Variants in TNFRSF11A observed in about 807,000 individuals in gnomAD.
TNFRSF11A encodes TNF receptor superfamily member 11a.
A neutral mutation model predicts 55.7 loss-of-function variants in TNFRSF11A; 32 were observed. The ratio of observed to expected loss-of-function variants is 0.57; its 90% CI spans 0.43 to 0.77. The LOEUF is 0.77. TNFRSF11A is among the 30% of genes least tolerant of loss of function. The pLI, the probability that TNFRSF11A is intolerant of heterozygous loss-of-function variation, is 0.00. For synonymous variants in TNFRSF11A, 311 were observed against 331.0 expected (o/e 0.94, Z 0.65); for missense variants, 753 against 809.8 (o/e 0.93, Z 0.85).
intron 1 of TNFRSF11A, among the ~76,000 whole-genome samples, chr18:62,327,120 C>G (rs2046086812): frequency 6.6e-6 from 1 of 152,164 alleles, no homozygotes; most frequent in African/African-American, 2.4e-5. Flanking sequence ...TAAAAATGGT[C>G]TCTGACCAGC....
chr18:62,328,502 T>C (rs2046106633), intron 1 of TNFRSF11A, among the ~76,000 whole-genome samples: 1 of 152,126 alleles, frequency 6.6e-6, no homozygotes, highest in African/African-American at 2.4e-5. Flanking sequence ...ACCAAACAAA[T>C]TGGGCATTGA....
intron 1 of TNFRSF11A, among the ~76,000 whole-genome samples, chr18:62,346,164 T>C (rs1237132162): frequency 1.3e-5 from 2 of 152,216 alleles, no homozygotes; most frequent in African/African-American, 4.8e-5. Flanking sequence ...GGCTGCCCCC[T>C]TAGGGGATCA....
intron 1 of TNFRSF11A, among the ~76,000 whole-genome samples, chr18:62,328,842 A>G (rs995222674): frequency 2.0e-5 from 3 of 152,164 alleles, no homozygotes; most frequent in African/African-American, 7.2e-5. Flanking sequence ...TTCCCCCTAA[A>G]ATGGCAAACC....
intron 8 of TNFRSF11A, among the ~76,000 whole-genome samples, chr18:62,368,074 A>G (rs1246368071): frequency 6.6e-6 from 1 of 152,132 alleles, no homozygotes; most frequent in Non-Finnish European, 1.5e-5. Flanking sequence ...GATTGCAGGC[A>G]TGAGCCACCA....
chr18:62,348,494 A>G (rs181142361), intron 2 of TNFRSF11A, among the ~76,000 whole-genome samples: 3 of 152,370 alleles, frequency 2.0e-5, no homozygotes, highest in Non-Finnish European at 2.9e-5. Flanking sequence ...GCTGAAACAC[A>G]ATTTTCCAAA....
intron 7 of TNFRSF11A, among the ~76,000 whole-genome samples, chr18:62,362,490 CAAAAAA>C (rs57219485): frequency 1.3e-5 from 1 of 75,872 alleles, no homozygotes; most frequent in Non-Finnish European, 2.4e-5. Context: ...AACTTCATCT[CAAAAAA>C]AAAAAAAAAA....
At chr18:62,370,428 C>T (rs1294148546) in intron 9 of TNFRSF11A, among the ~76,000 whole-genome samples, 1 of 152,196 alleles carries the variant, frequency 6.6e-6, no homozygotes, top group African/African-American at 2.4e-5. Context: ...TCATAGGCCG[C>T]CCCTCTCCAG....
intron 1 of TNFRSF11A, among the ~76,000 whole-genome samples, chr18:62,341,187 G>A (rs917458839): frequency 4.6e-5 from 7 of 152,156 alleles, no homozygotes; most frequent in African/African-American, 1.7e-4. Context: ...AGTGTGGCTC[G>A]TGGAACTGAC....
intron 1 of TNFRSF11A, among the ~76,000 whole-genome samples, chr18:62,344,899 G>A (rs1307514739): frequency 6.6e-6 from 1 of 152,216 alleles, no homozygotes; most frequent in Admixed American, 6.5e-5. Flanking sequence ...ACTGGTATAA[G>A]GAAACAGATC....
chr18:62,358,160 C>G, intron 4 of TNFRSF11A, 88 bp from the exon 5 acceptor site: 1 of 1,305,060 alleles, frequency 7.7e-7, no homozygotes, highest in Admixed American at 1.7e-5. Context: ...CTCCAGTCCT[C>G]TGGAGTCCCA....
At chr18:62,380,220 G>A (rs1018498126) in intron 9 of TNFRSF11A, among the ~76,000 whole-genome samples, 1 of 152,200 alleles carries the variant, frequency 6.6e-6, no homozygotes, top group African/African-American at 2.4e-5. Flanking sequence ...GCCACGTATT[G>A]TGTGATTGGC....
At chr18:62,367,783 T>C (rs1910198025) in intron 8 of TNFRSF11A, among the ~76,000 whole-genome samples, 1 of 131,392 alleles carries the variant, frequency 7.6e-6, no homozygotes, top group Admixed American at 8.6e-5. Flanking sequence ...TCTTTTCTTC[T>C]TCTTCTTTTT....
At chr18:62,348,891 G>A (rs2046423438) in intron 2 of TNFRSF11A, among the ~76,000 whole-genome samples, 1 of 152,224 alleles carries the variant, frequency 6.6e-6, no homozygotes. Context: ...TTTATTGGAT[G>A]TGCAGAACCA....
At chr18:62,330,582 T>C (rs1251953843) in intron 1 of TNFRSF11A, among the ~76,000 whole-genome samples, 1 of 152,152 alleles carries the variant, frequency 6.6e-6, no homozygotes, top group South Asian at 2.1e-4. Context: ...GAGAGGGCCA[T>C]GATCAGTTTT....
chr18:62,327,157 G>A (rs1163000505), intron 1 of TNFRSF11A, among the ~76,000 whole-genome samples: 2 of 152,196 alleles, frequency 1.3e-5, no homozygotes, highest in African/African-American at 4.8e-5. Context: ...GAGAGCCTGT[G>A]TGGGCTGGTG....
At chr18:62,349,230 G>GC (rs1441364294) in intron 2 of TNFRSF11A, among the ~76,000 whole-genome samples, 2 of 150,782 alleles carry the variant, frequency 1.3e-5, no homozygotes, top group African/African-American at 2.4e-5. Flanking sequence ...AGGCTGGAGT[G>GC]CAGTGGCATG....
chr18:62,330,915 A>C (rs999903738), intron 1 of TNFRSF11A: 2 of 152,264 alleles, frequency 1.3e-5, no homozygotes, highest in Non-Finnish European at 2.9e-5. Flanking sequence ...CTAGTAAAAA[A>C]ATAAAATAAG....
rs750673708 is a variant in TNFRSF11A at position 62,348,191 on chromosome 18, A to G, written c.99A>G (p.Pro33=). 3.1e-6 allele frequency: 5 copies of G among 1,613,900 alleles called. No individual in the cohort carries two copies. Among genetic ancestry groups the G allele is most frequent in the Non-Finnish European group, 4.2e-6 (5 of 1,179,994 alleles). Residue 33 remains proline, a synonymous_variant, in exon 2 of 10, where the codon CCA becomes CCG. Coordinates refer to ENST00000586569, the MANE Select transcript of TNFRSF11A (RefSeq NM_003839.4). ...RLQVALQIAP[P]CTSEKHYEHL... is the part of the protein sequence containing the mutation. ...AGGTGGCTTTGCAGATCGCTCCTCC[A>G]TGTACCAGTGAGAAGCATTATGAGC...
At chr18:62,384,636 C>T in intron 9 of TNFRSF11A, 115 bp from the exon 10 acceptor site, 2 of 1,295,476 alleles carry the variant, frequency 1.5e-6, no homozygotes, top group Non-Finnish European at 2.2e-6. Flanking sequence ...CCCTGTGGCC[C>T]CGGGCTGTGG....
Sources: allele counts gnomAD v4.1 joint callset (sites outside exome capture counted in the v4.1 genomes callset), GRCh38; gene constraint gnomAD v4.1.1; transcripts MANE v1.5; gene names NCBI Gene and HGNC (gene_info 2026-07-23, HGNC 2026-07-21).